The following TMC5 variants were observed in gnomAD, a reference collection of about 807,000 sequenced individuals.
TMC5 encodes transmembrane channel like 5, also known as transmembrane channel-like protein 5.
Under a neutral mutation model 110.5 loss-of-function variants are expected in TMC5, and 86 were observed. The ratio of observed to expected loss-of-function variants is 0.78; its 90% CI spans 0.65 to 0.93. The LOEUF (loss-of-function observed/expected upper bound fraction) is 0.93, where lower values mean the gene tolerates loss of function less well. Among genes scored for constraint, TMC5 ranks in the 40% least tolerant of loss-of-function variants. The probability of loss-of-function intolerance (pLI) is 0.00; values close to 1 mark genes in which losing one functional copy is unlikely to be tolerated. For missense variants in TMC5, 1,144 were observed against 1,222.8 expected (o/e 0.94, Z 0.96); for synonymous variants, 455 against 439.5 (o/e 1.04, Z -0.44).
At chr16:19,478,117 C>T (rs949132095) in intron 13 of TMC5, among the ~76,000 whole-genome samples, 9 of 152,198 alleles carry the variant, frequency 5.9e-5, no homozygotes, top group African/African-American at 1.7e-4. Flanking sequence ...AACAAGCCAG[C>T]CTCCCTGGCC....
intron 12 of TMC5, 137 bp downstream of exon 12, chr16:19,474,413 C>A: frequency 1.0e-6 from 1 of 996,116 alleles, no homozygotes; most frequent in Non-Finnish European, 1.5e-6. Flanking sequence ...TGTGGCTGGG[C>A]GTGGTGGCTC....
Position 19,440,408 on chromosome 16 carries a change from A to G in TMC5, c.370A>G (p.Arg124Gly). 1 of 1,614,118 alleles carries G rather than the reference A, an allele frequency of 6.2e-7. No homozygotes were observed. Among genetic ancestry groups the G allele is most frequent in the South Asian group, 1.1e-5 (1 of 91,076 alleles). ...TCATCCCTACCACCGAGCATCATCC[A>G]GACAACCAGACTACCCTGGATCTCA... is the stretch of plus-strand genomic sequence containing the variant. ...QSHPYHRASS[R>G]QPDYPGSQRN... The change falls in exon 3 of 22, where the codon AGA becomes GGA. Residue 124 changes from arginine (R) to glycine (G), a missense_variant. Physicochemically the swap from Arg to Gly is moderately radical, Grantham distance 125. Transcript: ENST00000542583.
intron 3 of TMC5, among the ~76,000 whole-genome samples, chr16:19,443,632 G>T (rs76042989): frequency 0.028 from 4,277 of 152,234 alleles, 298 homozygotes; most frequent in South Asian, 0.26. Flanking sequence ...GCCTAACTCA[G>T]GGTTGGCATT....
chr16:19,473,998 A>T, intron 11 of TMC5, 127 bp from the exon 12 acceptor site: 1 of 863,814 alleles, frequency 1.2e-6, no homozygotes, highest in Non-Finnish European at 1.7e-6. Context: ...TAAAATAAAT[A>T]AATAGATAAA....
chr16:19,431,265 G>A (rs1374188712), intron 2 of TMC5, among the ~76,000 whole-genome samples: 1 of 152,122 alleles, frequency 6.6e-6, no homozygotes, highest in African/African-American at 2.4e-5. Flanking sequence ...TGGGGGCCGG[G>A]CGCGGTGGCT....
chr16:19,462,450 G>A (rs1035075821), intron 6 of TMC5: 2 of 696,118 alleles, frequency 2.9e-6, no homozygotes, highest in Non-Finnish European at 5.2e-6. Flanking sequence ...ACATACTTGA[G>A]ACTGGGTGAT....
chr16:19,489,644 ATT>A (rs34372092), intron 17 of TMC5, among the ~76,000 whole-genome samples: 27,890 of 129,282 alleles, frequency 0.22, 3,644 homozygotes, highest in African/African-American at 0.39. Flanking sequence ...TGCCTGGCTA[ATT>A]TTTTTTTTTT....
Position 19,446,906 on chromosome 16 carries a change from A to T in TMC5, c.959-2636A>T, listed in dbSNP as rs62026169. 6.5e-3 allele frequency among the ~76,000 whole-genome samples: 990 copies of T among 152,114 alleles called. 7 individuals are homozygous for T. The highest frequency in any genetic ancestry group is 0.01 in the Middle Eastern group (3 of 294). On this transcript the variant is annotated intron_variant, in intron 4 of 21. Transcript: ENST00000542583. ...GTCACCCCATCCTGATAAAGTGTTC[A>T]CTCCTTAAGGAGAACCTGTATTCAT... is the stretch of plus-strand genomic sequence containing the variant.
intron 1 of TMC5, among the ~76,000 whole-genome samples, chr16:19,423,906 C>T (rs758604604): frequency 4.6e-5 from 7 of 152,176 alleles, no homozygotes; most frequent in Non-Finnish European, 1.0e-4. Flanking sequence ...CATGTGCCAC[C>T]ACACCTGGTT....
intron 15 of TMC5, among the ~76,000 whole-genome samples, chr16:19,483,897 C>T (rs1968675783): frequency 6.6e-6 from 1 of 151,904 alleles, no homozygotes; most frequent in African/African-American, 2.4e-5. Flanking sequence ...GCCAACATGG[C>T]AAAAACCCAT....
In TMC5 at chr16:19,460,313, T is replaced by C. The variant is rs915839289; in HGVS notation, c.1127T>C (p.Met376Thr). Residue 376 changes from methionine to threonine, a missense_variant, in exon 6 of 22, where the codon ATG (methionine) becomes ACG (threonine). Transcript: ENST00000542583. The part of the protein sequence containing the change: ...IKAIRNQPRT[M>T]EEKRNLRKIV... ...GCCATCAGGAACCAGCCAAGGACCA[T>C]GGAAGAGAAAAGGAACCTTAGGTAT... The C allele has an allele frequency of 3.1e-6, 5 of 1,613,672 alleles. No homozygotes were observed. The East Asian group carries it at 8.9e-5, about 29-fold the overall frequency.
rs773828934 is a variant in TMC5 at position 19,449,595 on chromosome 16, C to G, written c.1012C>G (p.Pro338Ala). Residue 338 changes from proline to alanine, a missense_variant, in exon 5 of 22, where the codon CCA (proline) becomes GCA (alanine). Transcript: ENST00000542583. ...SGPVHAYGNP[P>A]LSECDWHKSP... ...TCCTGTCCATGCTTATGGAAACCCA[C>G]CATTGTCTGAATGTGATTGGCACAA... 4 of 1,614,070 alleles carry G rather than the reference C, an allele frequency of 2.5e-6. No individual in the cohort carries two copies. In the Admixed American group the frequency reaches 5.0e-5, roughly 20 times the overall value.
At chr16:19,490,894 T>TCCCTTCCCCTCCCTTCCCTTCCCTTC (rs1567327873) in intron 18 of TMC5, among the ~76,000 whole-genome samples, 25 of 119,422 alleles carry the variant, frequency 2.1e-4, no homozygotes, top group African/African-American at 8.5e-4. Context: ...TCCTTCTTTC[T>TCCCTTCCCCTCCCTTCCCTTCCCTTC]CCCTTCCCCT....
At chr16:19,454,172 C>A (rs1424960410) in intron 5 of TMC5, among the ~76,000 whole-genome samples, 2 of 152,150 alleles carry the variant, frequency 1.3e-5, no homozygotes, top group Non-Finnish European at 2.9e-5. Flanking sequence ...CTCAGCCTCC[C>A]AAGCAGTTGG....
At chr16:19,460,986 T>A (rs887976158) in intron 6 of TMC5, among the ~76,000 whole-genome samples, 4 of 152,054 alleles carry the variant, frequency 2.6e-5, no homozygotes, top group Non-Finnish European at 5.9e-5. Flanking sequence ...TGAGACTCCA[T>A]CTTTACAAAA....
At chr16:19,474,007 A>C (rs1408092261) in intron 11 of TMC5, 118 bp from the exon 12 acceptor site, 2 of 950,714 alleles carry the variant, frequency 2.1e-6, no homozygotes, top group Non-Finnish European at 1.5e-6. Context: ...TAAATAGATA[A>C]ATAGTTAACC....
intron 3 of TMC5, among the ~76,000 whole-genome samples, chr16:19,442,703 TG>T (rs1368929389): frequency 1.3e-5 from 2 of 152,210 alleles, no homozygotes; most frequent in African/African-American, 4.8e-5. Context: ...GTAACCAATA[TG>T]AGTTTGATTT....
intron 9 of TMC5, among the ~76,000 whole-genome samples, chr16:19,468,642 G>A (rs1291135734): frequency 6.6e-6 from 1 of 152,192 alleles, no homozygotes; most frequent in African/African-American, 2.4e-5. Flanking sequence ...TAAGAGGCAG[G>A]CAGGAGGTCA....
chr16:19,434,463 T>TATAGATAG (rs370245128), intron 2 of TMC5, among the ~76,000 whole-genome samples: 9 of 63,934 alleles, frequency 1.4e-4, no homozygotes, highest in Admixed American at 7.9e-4. Context: ...TATCTATATC[T>TATAGATAG]ATAGATAGAT....
Sources: gnomAD v4.1 joint callset for allele counts (sites outside exome capture counted in the v4.1 genomes callset) on GRCh38, gnomAD v4.1.1 for gene constraint, MANE v1.5 for transcripts, NCBI Gene and HGNC (gene_info 2026-07-23, HGNC 2026-07-21) for gene names.